Variants in UBE2D2 observed in about 807,000 individuals in gnomAD.
The protein encoded by UBE2D2 is ubiquitin conjugating enzyme E2 D2.
In UBE2D2, 2 loss-of-function variants were observed where a neutral mutation model predicts 24.2. The observed-to-expected ratio is 0.08, with a 90% CI of 0.03 to 0.26. The LOEUF is 0.26. Among genes scored for constraint, UBE2D2 ranks in the 10% least tolerant of loss-of-function variants. The probability of loss-of-function intolerance (pLI) is 1.00; values close to 1 mark genes in which losing one functional copy is unlikely to be tolerated. For missense variants in UBE2D2, 44 were observed against 177.6 expected, an observed-to-expected ratio of 0.25 and a Z score of 4.28; for synonymous variants, 58 against 56.5, an observed-to-expected ratio of 1.03 and a Z score of -0.12.
At chr5:139,568,541 C>T (rs1753288260) in intron 1 of UBE2D2, among the ~76,000 whole-genome samples, 1 of 151,948 alleles carries the variant, frequency 6.6e-6, no homozygotes, top group Non-Finnish European at 1.5e-5. Flanking sequence ...GCCTGTAGTC[C>T]CAGCTATTCG....
intron 1 of UBE2D2, among the ~76,000 whole-genome samples, chr5:139,551,096 G>T (rs1385358501): frequency 6.6e-6 from 1 of 152,138 alleles, no homozygotes. Context: ...TGTAATCCCA[G>T]CACTTTGGGA....
At chr5:139,542,211 T>C (rs1345320068) in intron 1 of UBE2D2, among the ~76,000 whole-genome samples, 1 of 152,042 alleles carries the variant, frequency 6.6e-6, no homozygotes, top group Non-Finnish European at 1.5e-5. Flanking sequence ...AAAGTGTGAA[T>C]TCACGAGTAC....
intron 5 of UBE2D2, among the ~76,000 whole-genome samples, chr5:139,617,114 C>T (rs560107914): frequency 1.3e-5 from 2 of 151,270 alleles, no homozygotes; most frequent in East Asian, 3.9e-4. Flanking sequence ...ACCCGGGAGA[C>T]GGAGGTTGCA....
chr5:139,626,874 C>A lies in UBE2D2; in HGVS notation c.*73C>A. On this transcript the variant is annotated 3_prime_UTR_variant, in exon 7 of 7. Coordinates refer to ENST00000398733, the MANE Select transcript of UBE2D2 (RefSeq NM_003339.3). ...TGAAAGAGAAAGTCCTTTTGATTTCCATTTGACTGCTTTCTATGAGCCCAC... is the reference window on the plus strand; with the variant it reads ...TGAAAGAGAAAGTCCTTTTGATTTCAATTTGACTGCTTTCTATGAGCCCAC... 7.5e-7 allele frequency: 1 copy of A among 1,335,434 alleles called. No individual in the cohort carries two copies. Among genetic ancestry groups the A allele is most frequent in the Non-Finnish European group, 1.1e-6 (1 of 940,468 alleles). The allele number at this position is 1,335,434 out of a possible 1,614,324, so 82.7% of individuals were successfully genotyped here.
At chr5:139,590,366 C>T (rs1011272155) in intron 1 of UBE2D2, among the ~76,000 whole-genome samples, 1 of 149,874 alleles carries the variant, frequency 6.7e-6, no homozygotes, top group Non-Finnish European at 1.5e-5. Flanking sequence ...ACCCAGGAGG[C>T]GGAGGTTGCA....
rs1753097635 is a variant in UBE2D2 at position 139,561,635 on chromosome 5, C to T, written c.-157C>T. On this transcript the variant is annotated 5_prime_UTR_variant, in exon 1 of 7. Transcript: ENST00000398733. ...GCAGGCCCAGGAGCTGAGTGGGCCCCGGCCCTCAGCCCGTCCCGCCGGACC... is the reference window on the plus strand; with the variant it reads ...GCAGGCCCAGGAGCTGAGTGGGCCCTGGCCCTCAGCCCGTCCCGCCGGACC... 1.7e-5 allele frequency: 9 copies of T among 523,342 alleles called. No individual in the cohort carries two copies. Among genetic ancestry groups the T allele is most frequent in the South Asian group, 3.1e-5 (1 of 32,058 alleles). 32.4% of individuals were successfully genotyped at this position (523,342 alleles called of 1,614,324 possible). A position where few individuals can be genotyped will look rare whatever the true frequency, so the allele number is the denominator to read the frequency against.
intron 1 of UBE2D2, among the ~76,000 whole-genome samples, chr5:139,577,286 C>T (rs775036816): frequency 1.3e-5 from 2 of 151,812 alleles, no homozygotes; most frequent in Non-Finnish European, 2.9e-5. Flanking sequence ...TATTTCAAAA[C>T]ATCAGAGTAC....
chr5:139,590,719 T>TATGGCG lies in UBE2D2; in HGVS notation c.25-9649_25-9644dup, dbSNP rs1228313756. Among the ~76,000 whole-genome samples the TATGGCG allele has an allele frequency of 6.0e-5, 9 of 150,478 alleles. No individual in the cohort carries two copies. The Admixed American group carries it at 6.0e-4, about 10-fold the overall frequency. ...ACAGGGGACGTAGATCCTAAGATAG[T>TATGGCG]ATGGCGATGTTAAGACTGGGCCAAG... On this transcript the variant is annotated intron_variant, in intron 1 of 6. Coordinates refer to ENST00000398733, the MANE Select transcript of UBE2D2 (RefSeq NM_003339.3).
intron 1 of UBE2D2, among the ~76,000 whole-genome samples, chr5:139,576,617 T>G (rs1312124206): frequency 6.6e-6 from 1 of 152,082 alleles, no homozygotes; most frequent in East Asian, 1.9e-4. Context: ...TCTGCCCGCC[T>G]CAGCCTTCCA....
chr5:139,545,236 T>G (rs1373750354), intron 1 of UBE2D2, among the ~76,000 whole-genome samples: 2 of 152,082 alleles, frequency 1.3e-5, no homozygotes. Flanking sequence ...TTGTCTTCAA[T>G]TTTATTATTT....
intron 1 of UBE2D2, among the ~76,000 whole-genome samples, chr5:139,535,141 C>CAAAT (rs556026108): frequency 0.038 from 5,525 of 146,298 alleles, 125 homozygotes; most frequent in Middle Eastern, 0.066. Flanking sequence ...GACTTTATCT[C>CAAAT]AAATAAATAA....
At chr5:139,599,252 A>G (rs1277180871) in intron 1 of UBE2D2, among the ~76,000 whole-genome samples, 3 of 151,566 alleles carry the variant, frequency 2.0e-5, no homozygotes, top group Non-Finnish European at 4.4e-5. Context: ...TATTCCTTCA[A>G]AGTTTTTTCT....
intron 1 of UBE2D2, among the ~76,000 whole-genome samples, chr5:139,549,088 T>A (rs1752871720): frequency 6.6e-6 from 1 of 152,170 alleles, no homozygotes; most frequent in Non-Finnish European, 1.5e-5. Context: ...GACATCATGA[T>A]CTGCCTGCCT....
intron 1 of UBE2D2, among the ~76,000 whole-genome samples, chr5:139,595,860 G>C (rs1165712569): frequency 4.3e-5 from 6 of 139,248 alleles, no homozygotes; most frequent in Non-Finnish European, 6.3e-5. Flanking sequence ...TTATTAACTA[G>C]TTTCTTGTGG....
In UBE2D2 at chr5:139,551,178, C is replaced by T. The variant is rs906096776; in HGVS notation, c.-64+24566C>T. Among the ~76,000 whole-genome samples, 8 of 152,076 alleles carry T rather than the reference C, an allele frequency of 5.3e-5. No homozygotes were observed. In the South Asian group the frequency reaches 6.2e-4, roughly 12 times the overall value. The stretch of plus-strand genomic sequence containing the variant: ...TGGCCAATATAGTGAAACCCCATCT[C>T]TACTGAAATTACAAAAAATTAGCTG... On this transcript the variant is annotated intron_variant, in intron 1 of 6. Transcript: ENST00000511725.
At chr5:139,624,901 AT>A (rs1325053861) in intron 6 of UBE2D2, among the ~76,000 whole-genome samples, 2 of 152,116 alleles carry the variant, frequency 1.3e-5, no homozygotes, top group East Asian at 3.8e-4. Context: ...TTGTGAATTT[AT>A]TGTCAAATTT....
At chr5:139,596,823 G>A (rs554248303) in intron 1 of UBE2D2, among the ~76,000 whole-genome samples, 24 of 152,060 alleles carry the variant, frequency 1.6e-4, no homozygotes, top group Non-Finnish European at 2.9e-4. Flanking sequence ...GAGGTGGGCA[G>A]ATCACGAGGT....
At chr5:139,560,476 G>A (rs1456172883), upstream of UBE2D2, among the ~76,000 whole-genome samples, 1 of 152,042 alleles carries the variant, frequency 6.6e-6, no homozygotes, top group African/African-American at 2.4e-5. Context: ...GATTACAGGC[G>A]TGAGTGACCG....
At chr5:139,556,954 C>T (rs2126642546), upstream of UBE2D2, among the ~76,000 whole-genome samples, 1 of 151,118 alleles carries the variant, frequency 6.6e-6, no homozygotes, top group African/African-American at 2.4e-5. Context: ...CCTGCCTCAG[C>T]CTCCTGAGTA....
Sources: allele counts gnomAD v4.1 joint callset (sites outside exome capture counted in the v4.1 genomes callset), GRCh38; gene constraint gnomAD v4.1.1; transcripts MANE v1.5; gene names NCBI Gene and HGNC (gene_info 2026-07-23, HGNC 2026-07-21).